Variants in SAMD5 observed in about 807,000 individuals in gnomAD.
SAMD5 encodes the protein sterile alpha motif domain-containing protein 5.
A neutral mutation model predicts 11.3 loss-of-function variants in SAMD5; 13 were observed. That is an observed-to-expected ratio of 1.15 (90% CI 0.75 to 1.83). The LOEUF (loss-of-function observed/expected upper bound fraction) is 1.83. Ranked by LOEUF, SAMD5 falls within the 40% of genes most tolerant of loss-of-function variation. SAMD5 has a pLI of 0.00. For missense variants in SAMD5, 255 were observed against 239.1 expected (o/e 1.07, Z -0.44); for synonymous variants, 129 against 111.3 (o/e 1.16, Z -1.00).
At chr6:147,664,423 G>A (rs543355462) in intron 1 of SAMD5, among the ~76,000 whole-genome samples, 2 of 152,150 alleles carry the variant, frequency 1.3e-5, no homozygotes, top group South Asian at 4.1e-4. Flanking sequence ...TTTAAGGTCC[G>A]GGTACTTTGC....
chr6:147,918,688 CTTTTTTTTTTTT>C, the SAMD5 span, among the ~76,000 whole-genome samples: 8 of 99,446 alleles, frequency 8.0e-5, no homozygotes, highest in Non-Finnish European at 1.4e-4. Context: ...CACAAGCATT[CTTTTTTTTTTTT>C]TTTTTTTTTT....
chr6:147,588,986 C>T (rs1000784696), intron 1 of SAMD5, among the ~76,000 whole-genome samples: 1 of 151,958 alleles, frequency 6.6e-6, no homozygotes, highest in African/African-American at 2.4e-5. Flanking sequence ...GAGATGAGGT[C>T]TCGCTCTGTC....
chr6:147,691,667 G>A (rs141811928), intron 1 of SAMD5, among the ~76,000 whole-genome samples: 192 of 152,246 alleles, frequency 1.3e-3, no homozygotes, highest in African/African-American at 4.4e-3. Flanking sequence ...AGCCACCAAA[G>A]CAACTATTTC....
the SAMD5 span, among the ~76,000 whole-genome samples, chr6:147,952,366 C>T: frequency 1.3e-5 from 2 of 152,012 alleles, no homozygotes; most frequent in Admixed American, 6.5e-5. Flanking sequence ...GCTGGGTAGG[C>T]GTGATATATT....
chr6:147,656,109 G>T (rs547555374), intron 1 of SAMD5, among the ~76,000 whole-genome samples: 8 of 152,080 alleles, frequency 5.3e-5, no homozygotes, highest in Non-Finnish European at 1.2e-4. Flanking sequence ...ATAATAAATG[G>T]TGTTGGGACA....
the SAMD5 span, among the ~76,000 whole-genome samples, chr6:147,853,851 C>T: frequency 2.0e-5 from 3 of 152,132 alleles, no homozygotes; most frequent in East Asian, 5.8e-4. Context: ...CATTAATAGT[C>T]CTTACTGTCA....
intron 1 of SAMD5, among the ~76,000 whole-genome samples, chr6:147,716,111 C>G (rs116044339): frequency 6.6e-6 from 1 of 152,154 alleles, no homozygotes; most frequent in Non-Finnish European, 1.5e-5. Context: ...TGCCTCCTGC[C>G]GCCATTCATG....
Position 147,567,503 on chromosome 6 carries a change from C to A in SAMD5, c.*3047C>A. On this transcript the variant is annotated 3_prime_UTR_variant, in exon 2 of 2. Transcript: ENST00000367474. ...AATCATCTTGAACAGTTATGAAACT[C>A]ATTAAAGCTTCTTTTCCCTTGTCTG... 1 of 948,300 alleles carries A rather than the reference C, an allele frequency of 1.1e-6. No individual in the cohort carries two copies. The highest frequency in any genetic ancestry group is 1.3e-6 in the Non-Finnish European group (1 of 796,040). 58.7% of individuals were successfully genotyped at this position (948,300 alleles called of 1,614,324 possible).
chr6:147,779,304 G>A, the SAMD5 span, among the ~76,000 whole-genome samples: 1 of 152,078 alleles, frequency 6.6e-6, no homozygotes, highest in Non-Finnish European at 1.5e-5. Context: ...AAGAGAGGGT[G>A]AAATGCTGCT....
At chr6:147,563,246 G>A (rs1017603246) in intron 1 of SAMD5, among the ~76,000 whole-genome samples, 1 of 152,176 alleles carries the variant, frequency 6.6e-6, no homozygotes, top group Non-Finnish European at 1.5e-5. Context: ...GTTTGAGCAG[G>A]GGTGAAAATG....
At chr6:147,889,626 G>T in the SAMD5 span, among the ~76,000 whole-genome samples, 1 of 152,118 alleles carries the variant, frequency 6.6e-6, no homozygotes, top group Admixed American at 6.6e-5. Context: ...TGCGTCAAAG[G>T]ATTCTTTCCC....
At chr6:147,838,877 C>T in the SAMD5 span, among the ~76,000 whole-genome samples, 165 of 152,304 alleles carry the variant, frequency 1.1e-3, 1 homozygote, top group African/African-American at 3.8e-3. Flanking sequence ...CAGGCCAATG[C>T]GGCTACAGGA....
At chr6:147,557,280 T>C (rs12195761) in intron 1 of SAMD5, among the ~76,000 whole-genome samples, 41,500 of 152,180 alleles carry the variant, frequency 0.27, 6,913 homozygotes, top group Non-Finnish European at 0.36. Flanking sequence ...TAAAAAACAT[T>C]TCTAATAACA....
chr6:147,828,413 T>C, the SAMD5 span, among the ~76,000 whole-genome samples: 1 of 152,132 alleles, frequency 6.6e-6, no homozygotes, highest in African/African-American at 2.4e-5. Context: ...TCTGTGAGGG[T>C]GTTGCCAAAG....
intron 1 of SAMD5, among the ~76,000 whole-genome samples, chr6:147,545,863 C>G (rs147699989): frequency 6.6e-6 from 1 of 152,036 alleles, no homozygotes; most frequent in South Asian, 2.1e-4. Context: ...ATAGGAATTT[C>G]TTGTAACATT....
chr6:147,699,579 T>G (rs1048224658), intron 1 of SAMD5, among the ~76,000 whole-genome samples: 8 of 152,214 alleles, frequency 5.3e-5, no homozygotes, highest in African/African-American at 1.9e-4. Context: ...CACACCAGAT[T>G]AATTCATTTA....
intron 1 of SAMD5, among the ~76,000 whole-genome samples, chr6:147,629,800 G>C (rs1790112403): frequency 6.6e-6 from 1 of 152,096 alleles, no homozygotes; most frequent in Admixed American, 6.5e-5. Context: ...TCCTGTTGTA[G>C]CACCTCTTCC....
At chr6:147,684,387 G>C (rs1407727355) in intron 1 of SAMD5, among the ~76,000 whole-genome samples, 4 of 151,956 alleles carry the variant, frequency 2.6e-5, no homozygotes, top group Non-Finnish European at 5.9e-5. Context: ...AGATTATTTG[G>C]AGAAAGGCTA....
Position 147,642,067 on chromosome 6 carries a change from T to G in SAMD5, c.163-95250T>G, listed in dbSNP as rs369804499. Among the ~76,000 whole-genome samples, 47 of 152,340 alleles carry G rather than the reference T, an allele frequency of 3.1e-4. 1 individual carries two copies. The South Asian group carries it at 9.3e-3, about 30-fold the overall frequency. ...TACCTTTTGTTAAAACTTTCTCTTT[T>G]GTTTAATGGAAAGTGAACAACAGGG... is the stretch of plus-strand genomic sequence containing the variant. On this transcript the variant is annotated intron_variant, in intron 1 of 1. Coordinates refer to the SAMD5 transcript ENST00000566741.
Sources: gnomAD v4.1 joint callset for allele counts (sites outside exome capture counted in the v4.1 genomes callset) on GRCh38, gnomAD v4.1.1 for gene constraint, MANE v1.5 for transcripts, NCBI Gene and HGNC (gene_info 2026-07-23, HGNC 2026-07-21) for gene names.